Variants in TRIM66 observed in about 807,000 individuals in gnomAD.
The protein encoded by TRIM66 is tripartite motif-containing protein 66.
A neutral mutation model predicts 148.2 loss-of-function variants in TRIM66; 99 were observed. The observed-to-expected ratio is 0.67, with a 90% CI of 0.57 to 0.79. The LOEUF (loss-of-function observed/expected upper bound fraction) is 0.79, where lower values mean the gene tolerates loss of function less well. TRIM66 is among the 30% of genes least tolerant of loss of function. The probability of loss-of-function intolerance (pLI) is 0.00; values close to 1 mark genes in which losing one functional copy is unlikely to be tolerated. For synonymous variants in TRIM66, 616 were observed against 635.9 expected (o/e 0.97, Z 0.47); for missense variants, 1,666 against 1,697.9 (o/e 0.98, Z 0.33).
intron 14 of TRIM66, among the ~76,000 whole-genome samples, chr11:8,640,011 C>A (rs1200039228): frequency 6.6e-6 from 1 of 152,132 alleles, no homozygotes; most frequent in East Asian, 1.9e-4. Context: ...GTATACTGAG[C>A]CTAAATCTAA....
At chr11:8,651,732 G>T (rs1289890321) in intron 7 of TRIM66, 68 bp downstream of exon 7, 3 of 1,209,460 alleles carry the variant, frequency 2.5e-6, no homozygotes, top group Non-Finnish European at 3.6e-6. Flanking sequence ...ATGGATAGAA[G>T]ACTTATGGAC....
chr11:8,648,238 G>C (rs1194558834), intron 9 of TRIM66, among the ~76,000 whole-genome samples, 152 bp from the exon 10 acceptor site: 1 of 152,226 alleles, frequency 6.6e-6, no homozygotes, highest in African/African-American at 2.4e-5. Flanking sequence ...CAGGCTCTTG[G>C]CCCATTAGGC....
At chr11:8,670,159 C>T (rs1026695225) in intron 6 of TRIM66, among the ~76,000 whole-genome samples, 19 of 151,824 alleles carry the variant, frequency 1.3e-4, no homozygotes, top group South Asian at 6.2e-4. Flanking sequence ...ACTATAGGCA[C>T]GCAACACCAT....
Position 8,651,922 on chromosome 11 carries a change from T to C in TRIM66, c.341-19A>G, listed in dbSNP as rs2037391639. 1.9e-6 allele frequency: 3 copies of C among 1,541,442 alleles called. No individual in the cohort carries two copies. Among genetic ancestry groups the C allele is most frequent in the African/African-American group, 1.4e-5 (1 of 72,934 alleles). ...ATGAGCTCTGTGCAAGAAAGAAAGA[T>C]AGCAGAGTCAGGGCAACATGGCTGA... On this transcript the variant is annotated intron_variant, in intron 6 of 24. Coordinates refer to ENST00000646038, the MANE Select transcript of TRIM66 (RefSeq NM_001388022.1).
In TRIM66 at chr11:8,667,700, T is replaced by C. The variant is rs142689023; in HGVS notation, c.340+4086A>G. Among the ~76,000 whole-genome samples the C allele has an allele frequency of 7.7e-3, 1,175 of 152,354 alleles. 4 individuals are homozygous for C. Among genetic ancestry groups the C allele is most frequent in the Non-Finnish European group, 0.011 (778 of 68,028 alleles). Reference sequence around the variant, plus strand: ...TATGACAGGCTTACCTCATTTAGCATAATGTCCTAAAGCTTCATCCATGTT... The same window carrying C: ...TATGACAGGCTTACCTCATTTAGCACAATGTCCTAAAGCTTCATCCATGTT... On this transcript the variant is annotated intron_variant, in intron 6 of 24. Coordinates refer to ENST00000646038, the MANE Select transcript of TRIM66 (RefSeq NM_001388022.1).
At chr11:8,622,902 T>C in intron 17 of TRIM66, 26 bp from the exon 18 acceptor site, 1 of 1,548,420 alleles carries the variant, frequency 6.5e-7, no homozygotes, top group Non-Finnish European at 8.7e-7. Context: ...AACAAATACC[T>C]GTGACACACA....
In TRIM66 at chr11:8,619,386, A is replaced by T; in HGVS notation, c.3897T>A (p.Asn1299Lys). The change falls in exon 23 of 25, where the codon AAT (asparagine) becomes AAA (lysine). Residue 1299 changes from asparagine to lysine, a missense_variant. Physicochemically the swap from Asn to Lys is moderately conservative, Grantham distance 94. Transcript: ENST00000646038. ...RLMFWNCAKF[N>K]YPDSEVAEAG... ...AGGGAAAACAGGCAAGACATACATA[A>T]TTGAACTTAGCACAGTTCCAGAACA... The T allele has an allele frequency of 6.6e-7, 1 of 1,507,214 alleles. No individual in the cohort carries two copies. Among genetic ancestry groups the T allele is most frequent in the South Asian group, 1.3e-5 (1 of 76,824 alleles). The allele number at this position is 1,507,214 out of a possible 1,614,324, so 93.4% of individuals were successfully genotyped here.
At chr11:8,636,956 C>A (rs562634505) in intron 15 of TRIM66, among the ~76,000 whole-genome samples, 2 of 152,284 alleles carry the variant, frequency 1.3e-5, no homozygotes, top group East Asian at 1.9e-4. Flanking sequence ...TGAAGCCCCC[C>A]TAACTGCCCC....
chr11:8,643,008 C>T lies in TRIM66; in HGVS notation c.1222+1G>A. 6.5e-7 allele frequency: 1 copy of T among 1,549,470 alleles called. No homozygotes were observed. The highest frequency in any genetic ancestry group is 1.2e-5 in the South Asian group (1 of 83,696). On this transcript the variant is annotated splice_donor_variant, in intron 13 of 24. Coordinates refer to ENST00000646038, the MANE Select transcript of TRIM66 (RefSeq NM_001388022.1). LOFTEE classifies it high-confidence loss of function. ...GCCTGGGTGGGTGGGTCCAAGCTCA[C>T]CAAGAGAAGCTAGCTGCTTGGTCCA...
Position 8,640,986 on chromosome 11 carries a change from T to C in TRIM66, c.1389A>G (p.Ser463=). Reference sequence around the variant, plus strand: ...GGGAGCAGTGGGAGCAGCACACAGATGAGGAGCACACTGCTGGAGACTGGA... The same window carrying C: ...GGGAGCAGTGGGAGCAGCACACAGACGAGGAGCACACTGCTGGAGACTGGA... ...HKFQSPAVCS[S]SVCCSHCSPV... is the part of the protein sequence containing the mutation. Residue 463 remains serine (S), a synonymous_variant, in exon 14 of 25, where the codon TCA becomes TCG. Coordinates refer to ENST00000646038, the MANE Select transcript of TRIM66 (RefSeq NM_001388022.1). The C allele has an allele frequency of 6.4e-7, 1 of 1,551,352 alleles. No homozygotes were observed. Among genetic ancestry groups the C allele is most frequent in the African/African-American group, 1.4e-5 (1 of 73,100 alleles).
intron 6 of TRIM66, among the ~76,000 whole-genome samples, chr11:8,669,408 C>A (rs2038795573): frequency 6.6e-6 from 1 of 152,184 alleles, no homozygotes; most frequent in Admixed American, 6.5e-5. Flanking sequence ...CTTTGGGAGG[C>A]CGAGGCAGGC....
Position 8,646,476 on chromosome 11 carries a change from G to C in TRIM66, c.928C>G (p.Gln310Glu). The C allele has an allele frequency of 6.4e-7, 1 of 1,552,254 alleles. No homozygotes were observed. Among genetic ancestry groups the C allele is most frequent in the South Asian group, 1.2e-5 (1 of 84,062 alleles). ...KMVLMNELNKQANGLIEELEG... is the reference protein window; with the variant it reads ...KMVLMNELNKEANGLIEELEG... ...AATTCCTCTATTAGCCCATTGGCCT[G>C]TTTGTTCAGCTCATTCATCAGAACC... The change falls in exon 11 of 25, where the codon CAG (glutamine) becomes GAG (glutamate). Residue 310 changes from glutamine to glutamate, a missense_variant. Gln to Glu is a conservative substitution (Grantham distance 29). Around this residue, in one of 3 missense-constraint regions of TRIM66, gnomAD observed 1,431 missense variants for 1,412.4 expected, o/e 1.01. Transcript: ENST00000646038.
chr11:8,683,014 A>G (rs2087727197), upstream of TRIM66: 4 of 864,734 alleles, frequency 4.6e-6, no homozygotes, highest in South Asian at 5.1e-5. Context: ...TCGGATCTCT[A>G]GGACACGCGG....
upstream of TRIM66, chr11:8,682,966 G>C (rs536900825): frequency 1.6e-5 from 18 of 1,100,710 alleles, no homozygotes; most frequent in African/African-American, 2.2e-4. Context: ...GCGCGGGCCC[G>C]GGGCGGGGCT....
intron 8 of TRIM66, among the ~76,000 whole-genome samples, 179 bp downstream of exon 8, chr11:8,649,561 G>T (rs533100777): frequency 6.6e-6 from 1 of 152,300 alleles, no homozygotes; most frequent in South Asian, 2.1e-4. Context: ...TCAACAGGGA[G>T]GGACGAGAGT....
intron 4 of TRIM66, among the ~76,000 whole-genome samples, chr11:8,674,421 T>C (rs1285616519): frequency 1.3e-5 from 2 of 152,252 alleles, no homozygotes; most frequent in Non-Finnish European, 1.5e-5. Context: ...TCTTGCTCTG[T>C]TGCCTAGGCT....
intron 7 of TRIM66, 111 bp from the exon 8 acceptor site, chr11:8,649,998 T>C: frequency 1.5e-6 from 2 of 1,302,784 alleles, no homozygotes; most frequent in Non-Finnish European, 2.1e-6. Context: ...CTCCACCAGT[T>C]TGGAGTGTAA....
intron 3 of TRIM66, among the ~76,000 whole-genome samples, chr11:8,675,842 G>A (rs905879033): frequency 2.0e-5 from 3 of 151,990 alleles, no homozygotes; most frequent in Non-Finnish European, 2.9e-5. Context: ...TGGTTCAAGC[G>A]ATTCTCCTGC....
At chr11:8,661,456 C>A (rs1322604976) in intron 6 of TRIM66, among the ~76,000 whole-genome samples, 1 of 152,168 alleles carries the variant, frequency 6.6e-6, no homozygotes, top group Non-Finnish European at 1.5e-5. Context: ...TCTTTTCATC[C>A]CAAATCTTAA....
Sources: gnomAD v4.1 joint callset for allele counts (sites outside exome capture counted in the v4.1 genomes callset) on GRCh38, gnomAD v4.1.1 for gene constraint, gnomAD v4.1.1 regional missense constraint, MANE v1.5 for transcripts, NCBI Gene and HGNC (gene_info 2026-07-23, HGNC 2026-07-21) for gene names.